PHLDB1: variants seen among roughly 807,000 people sequenced by gnomAD.
PHLDB1 encodes the protein pleckstrin homology like domain family B member 1.
A neutral mutation model predicts 139.3 loss-of-function variants in PHLDB1; 65 were observed. The ratio of observed to expected loss-of-function variants is 0.47; its 90% CI spans 0.38 to 0.57. The LOEUF (loss-of-function observed/expected upper bound fraction) is 0.57, where lower values mean the gene tolerates loss of function less well. Among genes scored for constraint, PHLDB1 ranks in the 20% least tolerant of loss-of-function variants. The probability of loss-of-function intolerance (pLI) is 0.00; values close to 1 mark genes in which losing one functional copy is unlikely to be tolerated. For synonymous variants in PHLDB1, 679 were observed against 734.5 expected (o/e 0.92, Z 1.22); for missense variants, 1,624 against 1,839.7 (o/e 0.88, Z 2.14).
intron 4 of PHLDB1, among the ~76,000 whole-genome samples, chr11:118,617,624 C>T (rs374259541): frequency 2.0e-5 from 3 of 151,962 alleles, no homozygotes; most frequent in East Asian, 1.9e-4. Flanking sequence ...TGCCACCGCC[C>T]GGCTAATTTT....
chr11:118,617,027 A>T (rs1402200425), intron 4 of PHLDB1, among the ~76,000 whole-genome samples: 2 of 152,236 alleles, frequency 1.3e-5, no homozygotes, highest in Non-Finnish European at 2.9e-5. Flanking sequence ...CCTGGGCAAC[A>T]GAGCAAGACT....
intron 10 of PHLDB1, among the ~76,000 whole-genome samples, chr11:118,638,677 G>A (rs1946032235): frequency 6.6e-6 from 1 of 152,154 alleles, no homozygotes. Flanking sequence ...TGTGCCTAAT[G>A]GCACAGGGGT....
At chr11:118,641,729 G>C (rs1237226256) in intron 12 of PHLDB1, 1 of 1,289,746 alleles carries the variant, frequency 7.8e-7, no homozygotes, top group Non-Finnish European at 1.0e-6. Flanking sequence ...CCCACCACCT[G>C]CCTTCCTCCC....
intron 17 of PHLDB1, 39 bp from the exon 18 acceptor site, chr11:118,647,891 G>A (rs782348165): frequency 6.5e-7 from 1 of 1,544,942 alleles, no homozygotes; most frequent in African/African-American, 1.4e-5. Flanking sequence ...GGGGGGAAGA[G>A]GATGGCCATA....
At chr11:118,649,902 A>G (rs1244351598) in intron 18 of PHLDB1, among the ~76,000 whole-genome samples, 175 bp from the exon 19 acceptor site, 2 of 152,208 alleles carry the variant, frequency 1.3e-5, no homozygotes, top group African/African-American at 4.8e-5. Context: ...TAGAGTCAAC[A>G]TAGGCATGGT....
rs781884974 is a variant in PHLDB1 at position 118,648,031 on chromosome 11, G to A, written c.3609G>A (p.Gln1203=). 1.2e-6 allele frequency: 2 copies of A among 1,613,288 alleles called. No homozygotes were observed. Among genetic ancestry groups the A allele is most frequent in the African/African-American group, 2.7e-5 (2 of 74,914 alleles). The change falls in exon 18 of 23, where the codon CAG becomes CAA. Residue 1203 remains glutamine (Q), a synonymous_variant. Coordinates refer to ENST00000600882, the MANE Select transcript of PHLDB1 (RefSeq NM_001144758.3). ...AGAGTGAGAGTGCCCGGAGGCAGCA[G>A]CTGGTCGAGAAGGAGGTCAAGATGC... The part of the protein sequence containing the change: ...RLQSESARRQ[Q]LVEKEVKMRE...
Position 118,645,282 on chromosome 11 carries a change from G to A in PHLDB1, c.3122-74G>A, listed in dbSNP as rs1947299640. 1 of 1,189,254 alleles carries A rather than the reference G, an allele frequency of 8.4e-7. No homozygotes were observed. Among genetic ancestry groups the A allele is most frequent in the Non-Finnish European group, 1.2e-6 (1 of 856,286 alleles). 73.7% of individuals were successfully genotyped at this position (1,189,254 alleles called of 1,614,324 possible). A position where few individuals can be genotyped will look rare whatever the true frequency, so the allele number is the denominator to read the frequency against. On this transcript the variant is annotated intron_variant, in intron 15 of 22. Transcript: ENST00000600882. The surrounding 1 kb of genome is among the most constrained non-coding windows in gnomAD (Gnocchi z 5.1). The stretch of plus-strand genomic sequence containing the variant: ...TCTCCCTGCTTGCCCCTCCCTCTGT[G>A]TGTTGTGCTGCCAGTGGCCTGCTCC...
intron 5 of PHLDB1, 36 bp from the exon 6 acceptor site, chr11:118,627,269 C>G (rs782486450): frequency 6.2e-7 from 1 of 1,606,068 alleles, no homozygotes; most frequent in Non-Finnish European, 8.5e-7. Context: ...GCATATGCAG[C>G]TCCCTAAAGT....
At position 118,632,145 on chromosome 11, in the gene PHLDB1, G is replaced by T; in HGVS notation, c.2242-14G>T. 1 of 1,614,000 alleles carries T rather than the reference G, an allele frequency of 6.2e-7. No homozygotes were observed. Among genetic ancestry groups the T allele is most frequent in the Non-Finnish European group, 8.5e-7 (1 of 1,179,914 alleles). On this transcript the variant is annotated splice_polypyrimidine_tract_variant and intron_variant, in intron 8 of 22. Coordinates refer to ENST00000600882, the MANE Select transcript of PHLDB1 (RefSeq NM_001144758.3). The surrounding 1 kb of genome is among the most constrained non-coding windows in gnomAD (Gnocchi z 5.9). ...GTCAGCTGCTTTGATGGGGACCCTG[G>T]TGTCTGCCCCCAGGCCGAAATGGAG...
chr11:118,636,387 T>C (rs1945654246), intron 10 of PHLDB1, among the ~76,000 whole-genome samples: 1 of 152,116 alleles, frequency 6.6e-6, no homozygotes, highest in Admixed American at 6.5e-5. Context: ...TGGTGGTAAG[T>C]GGGGAGCTGC....
At chr11:118,635,572 T>C (rs903146999) in intron 10 of PHLDB1, 24 bp downstream of exon 10, 1 of 1,483,310 alleles carries the variant, frequency 6.7e-7, no homozygotes, top group African/African-American at 1.4e-5. Flanking sequence ...CGTTCCCTGC[T>C]GCGTGCTGTT....
intron 18 of PHLDB1, among the ~76,000 whole-genome samples, 170 bp downstream of exon 18, chr11:118,648,246 C>T (rs1217214241): frequency 6.6e-6 from 1 of 150,858 alleles, no homozygotes; most frequent in Non-Finnish European, 1.5e-5. Context: ...GACCCCAAAA[C>T]AGACCCACCA....
intron 5 of PHLDB1, among the ~76,000 whole-genome samples, chr11:118,625,880 C>T (rs1565421770): frequency 6.6e-6 from 1 of 152,188 alleles, no homozygotes; most frequent in Non-Finnish European, 1.5e-5. Flanking sequence ...CAAAGGCTTT[C>T]CCTTCTCTTT....
chr11:118,642,404 CCTT>C lies in PHLDB1; in HGVS notation c.2877+12_2877+14del. ...TTCCCGTCAGCTGCAGGTAACCCCTCCTTCACTGCCCGTCCTCCCCAGCCTTTG... is the reference window on the plus strand; with the variant it reads ...TTCCCGTCAGCTGCAGGTAACCCCTCCACTGCCCGTCCTCCCCAGCCTTTG... On this transcript the variant is annotated intron_variant, in intron 13 of 22. Transcript: ENST00000600882. 1 of 1,604,914 alleles carries C rather than the reference CCTT, an allele frequency of 6.2e-7. No individual in the cohort carries two copies. The highest frequency in any genetic ancestry group is 8.5e-7 in the Non-Finnish European group (1 of 1,179,308).
chr11:118,626,968 T>G, intron 5 of PHLDB1: 1 of 288,004 alleles, frequency 3.5e-6, no homozygotes, highest in East Asian at 1.0e-4. Flanking sequence ...GTGCCCTTCT[T>G]GAGGAGGGAT....
chr11:118,628,692 GTC>G lies in PHLDB1; in HGVS notation c.1827+46_1827+47del, dbSNP rs781802001. 2.6e-6 allele frequency: 4 copies of G among 1,560,282 alleles called. No homozygotes were observed. The East Asian group carries it at 7.0e-5, about 27-fold the overall frequency. ...GAGGCTTGCCACTGTCCATGGCAGA[GTC>G]TCTGCCAGGGCTCGAGCAGGCCAGC... On this transcript the variant is annotated intron_variant, in intron 6 of 22. Coordinates refer to ENST00000600882, the MANE Select transcript of PHLDB1 (RefSeq NM_001144758.3).
rs1446602842 is a variant in PHLDB1 at position 118,608,528 on chromosome 11, G to T, written c.-22+829G>T. 2.0e-5 allele frequency among the ~76,000 whole-genome samples: 3 copies of T among 152,106 alleles called. No homozygotes were observed. The highest frequency in any genetic ancestry group is 4.4e-5 in the Non-Finnish European group (3 of 67,986). On this transcript the variant is annotated intron_variant, in intron 1 of 22. Coordinates refer to ENST00000600882, the MANE Select transcript of PHLDB1 (RefSeq NM_001144758.3). The surrounding 1 kb of genome is among the most constrained non-coding windows in gnomAD (Gnocchi z 6.7). ...GGCTCGAGTGGGGACTTGGCCGGGC[G>T]ACCGCACAGCCCTGCCGGGGACCCA...
In PHLDB1 at chr11:118,627,875, G is replaced by T. The variant is rs372763753; in HGVS notation, c.1052G>T (p.Arg351Leu). ...AEARRATESPRLGGQLPVVAI... is the reference protein window; with the variant it reads ...AEARRATESPLLGGQLPVVAI... ...GCCCGGAGAGCCACTGAGAGCCCCC[G>T]GCTGGGTGGGCAGCTGCCTGTGGTG... The change falls in exon 6 of 23, where the codon CGG becomes CTG. Residue 351 changes from arginine to leucine, a missense_variant. Coordinates refer to ENST00000600882, the MANE Select transcript of PHLDB1 (RefSeq NM_001144758.3). 3 of 1,609,560 alleles carry T rather than the reference G, an allele frequency of 1.9e-6. No individual in the cohort carries two copies. The highest frequency in any genetic ancestry group is 1.7e-6 in the Non-Finnish European group (2 of 1,179,910).
chr11:118,628,017 C>A lies in PHLDB1; in HGVS notation c.1194C>A (p.Leu398=). ...VPAPRNKIGT[L]QDRPPSPFRE... Reference sequence around the variant, plus strand: ...CTCCCCGAAACAAGATTGGCACACTCCAGGACCGCCCTCCCAGCCCTTTCC... The same window carrying A: ...CTCCCCGAAACAAGATTGGCACACTACAGGACCGCCCTCCCAGCCCTTTCC... Residue 398 remains leucine, a synonymous_variant, in exon 6 of 23, where the codon CTC becomes CTA. Coordinates refer to ENST00000600882, the MANE Select transcript of PHLDB1 (RefSeq NM_001144758.3). 1 of 1,614,014 alleles carries A rather than the reference C, an allele frequency of 6.2e-7. No homozygotes were observed. The highest frequency in any genetic ancestry group is 2.2e-5 in the East Asian group (1 of 44,878).
Sources: allele counts gnomAD v4.1 joint callset (sites outside exome capture counted in the v4.1 genomes callset), GRCh38; gene constraint gnomAD v4.1.1; non-coding constraint Gnocchi (gnomAD v3.1); transcripts MANE v1.5; gene names NCBI Gene and HGNC (gene_info 2026-07-23, HGNC 2026-07-21).